Variants in SLC28A1 observed in about 807,000 individuals in gnomAD.
SLC28A1 encodes sodium/nucleoside cotransporter 1.
In SLC28A1, 64 loss-of-function variants were observed where a neutral mutation model predicts 74.8. The ratio of observed to expected loss-of-function variants is 0.86; its 90% CI spans 0.70 to 1.05. SLC28A1 has a LOEUF of 1.05. Among genes scored for constraint, SLC28A1 ranks in the 50% least tolerant of loss-of-function variants. The pLI is 0.00. For synonymous variants in SLC28A1, 359 were observed against 335.0 expected (o/e 1.07, Z -0.78); for missense variants, 828 against 822.8 (o/e 1.01, Z -0.08).
chr15:84,911,924 T>C (rs1464184327), intron 9 of SLC28A1, among the ~76,000 whole-genome samples: 1 of 151,406 alleles, frequency 6.6e-6, no homozygotes, highest in Non-Finnish European at 1.5e-5. Flanking sequence ...GCAAAAAACT[T>C]TGAAGTTGAA....
intron 11 of SLC28A1, among the ~76,000 whole-genome samples, 200 bp from the exon 12 acceptor site, chr15:84,923,785 G>A (rs1416880834): frequency 6.6e-6 from 1 of 152,130 alleles, no homozygotes; most frequent in Non-Finnish European, 1.5e-5. Context: ...TTGTCAGGCC[G>A]GGAGGGAGGG....
chr15:84,916,710 G>A (rs1460798709), intron 9 of SLC28A1, among the ~76,000 whole-genome samples: 1 of 152,154 alleles, frequency 6.6e-6, no homozygotes, highest in Non-Finnish European at 1.5e-5. Flanking sequence ...TCCTTCCCTT[G>A]AGAAATGTCC....
chr15:84,939,980 C>T lies in SLC28A1; in HGVS notation c.1582-3465C>T, dbSNP rs376807810. Among the ~76,000 whole-genome samples, 34 of 152,234 alleles carry T rather than the reference C, an allele frequency of 2.2e-4. No individual in the cohort carries two copies. In the East Asian group the frequency reaches 4.6e-3, roughly 21 times the overall value. ...CTGGGATTACAGACGTGTGCCACCA[C>T]ACCTGGCTAACTAACCTTCGCATTT... On this transcript the variant is annotated intron_variant, in intron 15 of 18. Coordinates refer to ENST00000394573, the MANE Select transcript of SLC28A1 (RefSeq NM_004213.5).
chr15:84,915,901 G>A (rs1969010409), intron 9 of SLC28A1, among the ~76,000 whole-genome samples: 2 of 152,042 alleles, frequency 1.3e-5, no homozygotes, highest in African/African-American at 4.8e-5. Context: ...TATTTCTGCA[G>A]TGAATTGCAT....
At chr15:84,890,970 C>T (rs562587841) in intron 5 of SLC28A1, among the ~76,000 whole-genome samples, 46 of 152,216 alleles carry the variant, frequency 3.0e-4, no homozygotes, top group East Asian at 1.5e-3. Flanking sequence ...TAAAGTTCGA[C>T]GTCTGCACTG....
chr15:84,898,871 A>G (rs1018314060), intron 6 of SLC28A1, among the ~76,000 whole-genome samples: 9 of 152,150 alleles, frequency 5.9e-5, no homozygotes, highest in African/African-American at 2.2e-4. Context: ...AGTTGAAGAG[A>G]CAGAGCTGGA....
chr15:84,957,274 T>C, the SLC28A1 span, among the ~76,000 whole-genome samples: 1 of 152,116 alleles, frequency 6.6e-6, no homozygotes, highest in Non-Finnish European at 1.5e-5. Flanking sequence ...TTTTGTTTTG[T>C]TTTGTTTTTT....
chr15:84,910,500 A>G (rs570329850), intron 9 of SLC28A1, among the ~76,000 whole-genome samples: 18 of 152,240 alleles, frequency 1.2e-4, no homozygotes, highest in East Asian at 1.9e-4. Flanking sequence ...AGGCTGAGGC[A>G]GGCGGATCAC....
At chr15:84,928,586 CTTTCTTTCTTTCTTTCT>C (rs1970844765) in intron 12 of SLC28A1, among the ~76,000 whole-genome samples, 2 of 22,326 alleles carry the variant, frequency 9.0e-5, no homozygotes, top group Non-Finnish European at 1.5e-4. Context: ...TTCTTTCTTT[CTTTCTTTCTTTCTTTCT>C]TTTCTTTCTT....
At chr15:84,940,451 A>G (rs1972522870) in intron 15 of SLC28A1, 1 of 152,140 alleles carries the variant, frequency 6.6e-6, no homozygotes, top group Non-Finnish European at 1.5e-5. Flanking sequence ...GAATGAATTT[A>G]GTGTGGGGGG....
chr15:84,950,817 G>A, the SLC28A1 span, among the ~76,000 whole-genome samples: 1 of 152,174 alleles, frequency 6.6e-6, no homozygotes, highest in Non-Finnish European at 1.5e-5. Context: ...TCATGCCCTT[G>A]GAAGAGGGTT....
intron 15 of SLC28A1, among the ~76,000 whole-genome samples, chr15:84,942,281 A>G (rs2142051148): frequency 1.3e-5 from 2 of 152,330 alleles, no homozygotes; most frequent in Admixed American, 1.3e-4. Flanking sequence ...TTTGTGTTAC[A>G]AACAATCCAA....
At chr15:84,906,564 CT>C (rs373606206) in intron 8 of SLC28A1, among the ~76,000 whole-genome samples, 75 of 75,020 alleles carry the variant, frequency 1.0e-3, no homozygotes, top group African/African-American at 4.3e-3. Flanking sequence ...TTCTTTCTTT[CT>C]CTTTCTTTCT....
intron 12 of SLC28A1, among the ~76,000 whole-genome samples, chr15:84,928,586 CTTTCTTTCTT>C (rs1970844477): frequency 1.3e-4 from 3 of 22,306 alleles, no homozygotes; most frequent in Admixed American, 7.8e-4. Context: ...TTCTTTCTTT[CTTTCTTTCTT>C]TCTTTCTTTT....
chr15:84,912,324 C>T (rs376088009), intron 9 of SLC28A1, among the ~76,000 whole-genome samples: 12 of 152,298 alleles, frequency 7.9e-5, no homozygotes, highest in African/African-American at 2.6e-4. Flanking sequence ...AGGCCTTTGG[C>T]CAGTTTCAGT....
At chr15:84,915,196 G>A (rs933213714) in intron 9 of SLC28A1, among the ~76,000 whole-genome samples, 19 of 152,276 alleles carry the variant, frequency 1.2e-4, no homozygotes, top group African/African-American at 3.4e-4. Context: ...GAGGAGTCAC[G>A]GGGCACAGTT....
At chr15:84,951,724 T>G in the SLC28A1 span, among the ~76,000 whole-genome samples, 3 of 152,106 alleles carry the variant, frequency 2.0e-5, no homozygotes, top group Admixed American at 6.6e-5. Flanking sequence ...TCTGGTAACA[T>G]GGGGCTGGTA....
chr15:84,931,170 T>C (rs1430208001), intron 12 of SLC28A1, among the ~76,000 whole-genome samples: 1 of 151,220 alleles, frequency 6.6e-6, no homozygotes, highest in Non-Finnish European at 1.5e-5. Context: ...CCTCCCAAAA[T>C]GCTGGGATTA....
the SLC28A1 span, among the ~76,000 whole-genome samples, chr15:84,965,744 G>A: frequency 0.013 from 1,992 of 152,176 alleles, 41 homozygotes; most frequent in African/African-American, 0.046. Flanking sequence ...GAAATCTCTC[G>A]GTCCTGGGCA....
Sources: gnomAD v4.1 joint callset for allele counts (sites outside exome capture counted in the v4.1 genomes callset) on GRCh38, gnomAD v4.1.1 for gene constraint, MANE v1.5 for transcripts, NCBI Gene and HGNC (gene_info 2026-07-23, HGNC 2026-07-21) for gene names.